The following ITGB2 variants were observed in gnomAD, a reference collection of about 807,000 sequenced individuals.
ITGB2 encodes integrin beta-2.
In ITGB2, 56 loss-of-function variants were observed where a neutral mutation model predicts 86.8. That is an observed-to-expected ratio of 0.65 (90% confidence interval 0.52 to 0.81). The LOEUF (loss-of-function observed/expected upper bound fraction) is 0.81. ITGB2 is among the 30% of genes least tolerant of loss of function. ITGB2 has a pLI of 0.00. For synonymous variants in ITGB2, 457 were observed against 450.4 expected (o/e 1.01, Z -0.19); for missense variants, 948 against 1,061.2 (o/e 0.89, Z 1.48).
Position 44,920,842 on chromosome 21 carries a change from G to T in ITGB2, c.-25C>A, listed in dbSNP as rs1489177175. The T allele has an allele frequency of 6.6e-6, 1 of 152,566 alleles. No homozygotes were observed. Among genetic ancestry groups the T allele is most frequent in the South Asian group, 2.1e-4 (1 of 4,842 alleles). 9.5% of individuals were successfully genotyped at this position (152,566 alleles called of 1,614,324 possible). ...TCACCCTCGGTGTGCTGGAGTCCTC[G>T]GCGGTGCTCCTGGCTGGGCGTGGGG... On this transcript the variant is annotated 5_prime_UTR_variant, in exon 1 of 16. Coordinates refer to ENST00000652462, the MANE Select transcript of ITGB2 (RefSeq NM_000211.5).
At chr21:44,904,909 G>A (rs956347017) in intron 4 of ITGB2, among the ~76,000 whole-genome samples, 1 of 152,122 alleles carries the variant, frequency 6.6e-6, no homozygotes, top group Non-Finnish European at 1.5e-5. Context: ...TCCTGGCCCT[G>A]GCCCTCGCCC....
intron 1 of ITGB2, among the ~76,000 whole-genome samples, chr21:44,918,967 C>CA (rs1296257361): frequency 4.0e-5 from 6 of 151,672 alleles, no homozygotes; most frequent in Non-Finnish European, 5.9e-5. Context: ...CGGAGCTGAG[C>CA]GTCCCCTCTC....
At chr21:44,911,246 T>G (rs2084127429) in intron 1 of ITGB2, 1 of 261,152 alleles carries the variant, frequency 3.8e-6, no homozygotes, top group African/African-American at 2.2e-5. Context: ...CGCAAGACAC[T>G]ACACACCACA....
intron 8 of ITGB2, among the ~76,000 whole-genome samples, chr21:44,896,329 T>C (rs1306733132): frequency 1.3e-5 from 2 of 152,338 alleles, no homozygotes; most frequent in East Asian, 3.9e-4. Flanking sequence ...CATCGGCTCT[T>C]GGCACTCTAC....
At chr21:44,918,746 G>T (rs770414628) in intron 1 of ITGB2, among the ~76,000 whole-genome samples, 9 of 152,198 alleles carry the variant, frequency 5.9e-5, no homozygotes, top group Non-Finnish European at 1.3e-4. Context: ...CGTCGATGCC[G>T]CCTGAGGGGC....
rs571567236 is a variant in ITGB2, at chr21:44,913,290, C to T, written c.-3-2505G>A. Among the ~76,000 whole-genome samples the T allele has an allele frequency of 1.3e-4, 20 of 152,246 alleles. No individual in the cohort carries two copies. The East Asian group carries it at 1.7e-3, about 13-fold the overall frequency. ...CCTGGGGCCGCAGACATGAGGTCTC[C>T]GCCCCTAACACAGTCGTGACCAGTG... On this transcript the variant is annotated intron_variant, in intron 1 of 15. Transcript: ENST00000652462.
Position 44,893,434 on chromosome 21 carries a change from AC to A in ITGB2, c.1193del (p.Gly398ValfsTer16). On this transcript the variant is annotated frameshift_variant, in exon 10 of 16. Transcript: ENST00000652462. LOFTEE classifies it high-confidence loss of function. ...CATTGATCTGCACGCCATCACAGTC[AC>A]CTCTGGGCTGGTTCCTGTGCGTCAC... ...NGVTHRNQPR[G>X]DCDGVQINVP... The A allele has an allele frequency of 1.2e-6, 2 of 1,613,788 alleles. No individual in the cohort carries two copies. Among genetic ancestry groups the A allele is most frequent in the Non-Finnish European group, 1.7e-6 (2 of 1,179,912 alleles).
At position 44,908,100 on chromosome 21, in the gene ITGB2, C is replaced by T. The variant is rs746919729; in HGVS notation, c.148-1005G>A. 44 of 720,852 alleles carry T rather than the reference C, an allele frequency of 6.1e-5. No homozygotes were observed. In the East Asian group the frequency reaches 9.6e-4, roughly 16 times the overall value. The allele number at this position is 720,852 out of a possible 1,614,324, so 44.7% of individuals were successfully genotyped here. A position where few individuals can be genotyped will look rare whatever the true frequency, so the allele number is the denominator to read the frequency against. On this transcript the variant is annotated intron_variant, in intron 3 of 15. Transcript: ENST00000652462. ...TGGGGCCTGGCCACCCTGCTCAGTC[C>T]GAGGACAGACGGGAGCCACCCGGCT... is the stretch of plus-strand genomic sequence containing the variant.
At position 44,889,437 on chromosome 21, in the gene ITGB2, C is replaced by G. The variant is rs767238034; in HGVS notation, c.1716G>C (p.Ala572=). 8 of 1,607,882 alleles carry G rather than the reference C, an allele frequency of 5.0e-6. No individual in the cohort carries two copies. The highest frequency in any genetic ancestry group is 6.8e-6 in the Non-Finnish European group (8 of 1,177,718). ...CRCHPGFEGS[A]CQCERTTEGC... ...CCTCAGTGGTCCTCTCGCACTGGCA[C>G]GCTGAGCCCTCAAAGCCCGGGTGGC... The change falls in exon 13 of 16, where the codon GCG becomes GCC. Residue 572 remains alanine (A), a synonymous_variant. Transcript: ENST00000652462.
Position 44,920,842 on chromosome 21 carries a change from G to A in ITGB2, c.-25C>T, listed in dbSNP as rs1489177175. 1 of 152,684 alleles carries A rather than the reference G, an allele frequency of 6.5e-6. No homozygotes were observed. The highest frequency in any genetic ancestry group is 1.9e-4 in the East Asian group (1 of 5,194). 9.5% of individuals were successfully genotyped at this position (152,684 alleles called of 1,614,324 possible). ...TCACCCTCGGTGTGCTGGAGTCCTC[G>A]GCGGTGCTCCTGGCTGGGCGTGGGG... On this transcript the variant is annotated 5_prime_UTR_variant, in exon 1 of 16. Coordinates refer to ENST00000652462, the MANE Select transcript of ITGB2 (RefSeq NM_000211.5).
intron 5 of ITGB2, among the ~76,000 whole-genome samples, chr21:44,903,130 A>AG (rs1341644358): frequency 6.6e-6 from 1 of 152,216 alleles, no homozygotes; most frequent in African/African-American, 2.4e-5. Flanking sequence ...AGAAGATGGA[A>AG]GGGGAAGTGG....
intron 10 of ITGB2, among the ~76,000 whole-genome samples, chr21:44,892,733 CA>C (rs547041931): frequency 6.5e-4 from 82 of 126,368 alleles, no homozygotes; most frequent in East Asian, 2.3e-3. Flanking sequence ...TCACAGCTAG[CA>C]AAAAAAAAAA....
chr21:44,912,688 G>A (rs140723251), intron 1 of ITGB2, among the ~76,000 whole-genome samples: 1 of 152,024 alleles, frequency 6.6e-6, no homozygotes, highest in African/African-American at 2.4e-5. Context: ...TCTCCATCTG[G>A]GCCCCCTCAA....
intron 15 of ITGB2, 45 bp from the exon 16 acceptor site, chr21:44,886,475 C>G (rs1282729491): frequency 6.3e-7 from 1 of 1,593,234 alleles, no homozygotes; most frequent in East Asian, 2.2e-5. Context: ...GGGAGGTTTT[C>G]AGAGCAGAAT....
chr21:44,900,236 C>A, intron 7 of ITGB2, 84 bp downstream of exon 7: 1 of 1,550,416 alleles, frequency 6.4e-7, no homozygotes, highest in Non-Finnish European at 8.9e-7. Flanking sequence ...GAAGGAGGCT[C>A]TGTCAGGTGG....
At position 44,905,112 on chromosome 21, in the gene ITGB2, A is replaced by G. The variant is rs367972006; in HGVS notation, c.329-1577T>C. Among the ~76,000 whole-genome samples, 9 of 152,192 alleles carry G rather than the reference A, an allele frequency of 5.9e-5. No individual in the cohort carries two copies. In the South Asian group the frequency reaches 1.7e-3, roughly 28 times the overall value. ...CATGCTGCAGTCAAAGGGCACAGACATAGGCCTTTGGTGGCTGACCAAGGG... is the reference window on the plus strand; with the variant it reads ...CATGCTGCAGTCAAAGGGCACAGACGTAGGCCTTTGGTGGCTGACCAAGGG... On this transcript the variant is annotated intron_variant, in intron 4 of 15. Transcript: ENST00000652462.
intron 1 of ITGB2, chr21:44,911,053 A>G: frequency 1.8e-6 from 1 of 550,680 alleles, no homozygotes; most frequent in South Asian, 2.0e-5. Context: ...GAGGCACACA[A>G]CACAGGCACA....
intron 10 of ITGB2, among the ~76,000 whole-genome samples, chr21:44,892,742 A>AG (rs948149606): frequency 1.1e-4 from 17 of 150,658 alleles, no homozygotes; most frequent in Non-Finnish European, 1.8e-4. Context: ...GCAAAAAAAA[A>AG]AACAAAAAAC....
chr21:44,908,394 CTAA>C (rs961622622), intron 3 of ITGB2, among the ~76,000 whole-genome samples: 4 of 150,788 alleles, frequency 2.7e-5, no homozygotes, highest in African/African-American at 7.5e-5. Context: ...GGTGGTTAAA[CTAA>C]TAATATTATT....
Sources: allele counts gnomAD v4.1 joint callset (sites outside exome capture counted in the v4.1 genomes callset), GRCh38; gene constraint gnomAD v4.1.1; transcripts MANE v1.5; gene names NCBI Gene and HGNC (gene_info 2026-07-23, HGNC 2026-07-21).